The following MSTO1 variants were observed in gnomAD, a reference collection of about 807,000 sequenced individuals.
MSTO1 encodes protein misato homolog 1.
A neutral mutation model predicts 55.7 loss-of-function variants in MSTO1; 24 were observed. The observed-to-expected ratio is 0.43, with a 90% CI of 0.31 to 0.61. The LOEUF (loss-of-function observed/expected upper bound fraction) is 0.61. Ranked by LOEUF, MSTO1 falls within the 20% of genes least tolerant of loss-of-function variation. The pLI, the probability that MSTO1 is intolerant of heterozygous loss-of-function variation, is 0.09. For synonymous variants in MSTO1, 162 were observed against 252.8 expected (o/e 0.64, Z 3.41); for missense variants, 363 against 625.7 (o/e 0.58, Z 4.48).
At chr1:155,600,408 A>G in the MSTO1 span, among the ~76,000 whole-genome samples, 1 of 152,238 alleles carries the variant, frequency 6.6e-6, no homozygotes, top group African/African-American at 2.4e-5. Context: ...CTCAAGGCAG[A>G]AGAATTTTTC....
upstream of MSTO1, among the ~76,000 whole-genome samples, chr1:155,608,848 G>A (rs1040975759): frequency 6.7e-6 from 1 of 149,594 alleles, no homozygotes; most frequent in Non-Finnish European, 1.5e-5. Context: ...TTTTAGAGAG[G>A]AGTTTTGCTC....
chr1:155,612,510 G>T lies in MSTO1; in HGVS notation c.906G>T (p.Leu302Phe). 1.2e-6 allele frequency: 2 copies of T among 1,613,882 alleles called. No individual in the cohort carries two copies. The highest frequency in any genetic ancestry group is 1.7e-6 in the Non-Finnish European group (2 of 1,180,002). ...GCTCTCTTGTCTGCCCCTTGTCCTT[G>T]GGTGGGAGCCTGGGCCTGCGACCCG... ...AHSSLVCPLSLGGSLGLRPEP... is the reference protein window; with the variant it reads ...AHSSLVCPLSFGGSLGLRPEP... Residue 302 changes from leucine to phenylalanine, a missense_variant, in exon 9 of 14, where the codon TTG becomes TTT. Leu to Phe is a conservative substitution (Grantham distance 22). Coordinates refer to ENST00000245564, the MANE Select transcript of MSTO1 (RefSeq NM_018116.4).
the MSTO1 span, chr1:155,591,384 G>T: frequency 1.4e-6 from 1 of 740,318 alleles, no homozygotes; most frequent in Non-Finnish European, 2.2e-6. Flanking sequence ...TTCAGAAACT[G>T]CAGGATGTTC....
upstream of MSTO1, among the ~76,000 whole-genome samples, chr1:155,609,107 G>A (rs1673194000): frequency 6.6e-6 from 1 of 151,122 alleles, no homozygotes; most frequent in Admixed American, 6.6e-5. Context: ...GATTACAGGC[G>A]TAAACTACCG....
chr1:155,603,829 G>A, the MSTO1 span, among the ~76,000 whole-genome samples: 10 of 152,278 alleles, frequency 6.6e-5, no homozygotes, highest in Non-Finnish European at 1.2e-4. Context: ...CTGTACTCCA[G>A]TCTGGGTGAC....
At chr1:155,568,742 TTTTTG>T in the MSTO1 span, among the ~76,000 whole-genome samples, 1 of 152,176 alleles carries the variant, frequency 6.6e-6, no homozygotes. Flanking sequence ...CCAGCCAGTT[TTTTTG>T]TTTTGTTTTG....
chr1:155,589,730 G>T, the MSTO1 span, among the ~76,000 whole-genome samples: 4 of 151,776 alleles, frequency 2.6e-5, no homozygotes, highest in African/African-American at 9.7e-5. Context: ...GAAAGATGAA[G>T]GCTGGAAGAC....
chr1:155,598,531 G>A, the MSTO1 span, among the ~76,000 whole-genome samples: 1 of 152,156 alleles, frequency 6.6e-6, no homozygotes, highest in African/African-American at 2.4e-5. Context: ...AGATGAGCCT[G>A]GTCAACATAG....
upstream of MSTO1, among the ~76,000 whole-genome samples, chr1:155,609,243 A>ATATATATTTTTTT (rs59756178): frequency 1.2e-3 from 63 of 54,564 alleles, no homozygotes; most frequent in Non-Finnish European, 1.5e-3. Context: ...ATATATATAT[A>ATATATATTTTTTT]TTTTTTTTTT....
At chr1:155,581,890 T>C in the MSTO1 span, among the ~76,000 whole-genome samples, 183 of 151,468 alleles carry the variant, frequency 1.2e-3, 1 homozygote, top group African/African-American at 4.3e-3. Context: ...GCATCCCCGG[T>C]GCAAGCGATT....
At chr1:155,587,761 AAAAG>A in the MSTO1 span, among the ~76,000 whole-genome samples, 1 of 151,864 alleles carries the variant, frequency 6.6e-6, no homozygotes, top group African/African-American at 2.4e-5. Context: ...AAAAAAAAAA[AAAAG>A]GAATAACTGT....
At chr1:155,586,497 CT>C in the MSTO1 span, 26 of 168,868 alleles carry the variant, frequency 1.5e-4, no homozygotes, top group Non-Finnish European at 2.8e-4. Context: ...TTGTTTGTGT[CT>C]TTTGCTCATT....
At chr1:155,584,250 T>G in the MSTO1 span, among the ~76,000 whole-genome samples, 1 of 151,946 alleles carries the variant, frequency 6.6e-6, no homozygotes, top group African/African-American at 2.4e-5. Context: ...TCCCAACTAC[T>G]TGGGAGGCTG....
At chr1:155,581,985 C>A in the MSTO1 span, among the ~76,000 whole-genome samples, 1 of 140,802 alleles carries the variant, frequency 7.1e-6, no homozygotes, top group East Asian at 2.1e-4. Context: ...GTCGGAATTT[C>A]GCTCTTGTTG....
chr1:155,598,520 A>C, the MSTO1 span, among the ~76,000 whole-genome samples: 2 of 152,158 alleles, frequency 1.3e-5, no homozygotes, highest in Non-Finnish European at 2.9e-5. Flanking sequence ...CCAAGAGTTC[A>C]AGATGAGCCT....
chr1:155,597,991 T>C, the MSTO1 span, among the ~76,000 whole-genome samples: 1 of 151,748 alleles, frequency 6.6e-6, no homozygotes, highest in Admixed American at 6.6e-5. Flanking sequence ...TAATTTTTTG[T>C]ATTTTTAGTA....
Position 155,614,911 on chromosome 1 carries a change from CAT to C in MSTO1, c.*639_*640del, listed in dbSNP as rs1675273245. The C allele has an allele frequency of 7.3e-7, 1 of 1,367,810 alleles. No homozygotes were observed. The highest frequency in any genetic ancestry group is 1.8e-4 in the Middle Eastern group (1 of 5,636). The allele number at this position is 1,367,810 out of a possible 1,614,324, so 84.7% of individuals were successfully genotyped here. ...GGCTGTATTCACTGATCCTTAGTAA[CAT>C]GTTAACATTTATGAAGCACTATATA... On this transcript the variant is annotated 3_prime_UTR_variant, in exon 14 of 14. Coordinates refer to ENST00000245564, the MANE Select transcript of MSTO1 (RefSeq NM_018116.4).
the MSTO1 span, chr1:155,563,477 A>T: frequency 2.2e-6 from 1 of 456,648 alleles, no homozygotes; most frequent in Non-Finnish European, 4.4e-6. Flanking sequence ...CTGGGACCCG[A>T]GGAAGATCGG....
the MSTO1 span, among the ~76,000 whole-genome samples, chr1:155,591,912 G>A: frequency 9.3e-4 from 142 of 152,230 alleles, no homozygotes; most frequent in African/African-American, 3.1e-3. Flanking sequence ...GAGACTGTCC[G>A]GGGCAATATA....
Sources: gnomAD v4.1 joint callset for allele counts (sites outside exome capture counted in the v4.1 genomes callset) on GRCh38, gnomAD v4.1.1 for gene constraint, MANE v1.5 for transcripts, NCBI Gene and HGNC (gene_info 2026-07-23, HGNC 2026-07-21) for gene names.